PPFIA2: variants seen among roughly 807,000 people sequenced by gnomAD.
PPFIA2 encodes the protein PPFI scaffold protein A2.
In PPFIA2, 46 loss-of-function variants were observed where a neutral mutation model predicts 175.5. That is an observed-to-expected ratio of 0.26 (90% CI 0.21 to 0.34). PPFIA2 has a LOEUF of 0.34. Among genes scored for constraint, PPFIA2 ranks in the 10% least tolerant of loss-of-function variants. PPFIA2 has a pLI of 1.00. For synonymous variants in PPFIA2, 568 were observed against 511.4 expected, an observed-to-expected ratio of 1.11 and a Z score of -1.49; for missense variants, 1,179 against 1,506.1, an observed-to-expected ratio of 0.78 and a Z score of 3.60.
intron 24 of PPFIA2, among the ~76,000 whole-genome samples, chr12:81,285,811 G>A (rs915874875): frequency 6.6e-6 from 1 of 152,076 alleles, no homozygotes; most frequent in Non-Finnish European, 1.5e-5. Flanking sequence ...ACCACACCAT[G>A]ATTTTTAAAT....
intron 28 of PPFIA2, chr12:81,270,622 G>A (rs1446816375): frequency 6.6e-6 from 1 of 152,202 alleles, no homozygotes; most frequent in Non-Finnish European, 1.5e-5. Context: ...CCAGAAGTCA[G>A]GGGGCGAAGC....
chr12:81,637,182 G>C (rs934218257), intron 4 of PPFIA2, among the ~76,000 whole-genome samples: 1 of 143,986 alleles, frequency 6.9e-6, no homozygotes, highest in Admixed American at 7.1e-5. Context: ...CGATTCTCCT[G>C]CCTCAGCCTC....
At chr12:81,389,963 C>T (rs1277834999) in intron 8 of PPFIA2, among the ~76,000 whole-genome samples, 1 of 152,066 alleles carries the variant, frequency 6.6e-6, no homozygotes, top group Non-Finnish European at 1.5e-5. Context: ...CCCCCAGCCC[C>T]AGACAACCAC....
Position 81,268,010 on chromosome 12 carries a change from G to A in PPFIA2, c.3388C>T (p.Leu1130Phe). 2 of 1,596,966 alleles carry A rather than the reference G, an allele frequency of 1.3e-6. No individual in the cohort carries two copies. The highest frequency in any genetic ancestry group is 1.7e-6 in the Non-Finnish European group (2 of 1,170,820). Residue 1130 changes from leucine to phenylalanine, a missense_variant, in exon 29 of 33, where the codon CTT (leucine) becomes TTT (phenylalanine). By Grantham distance (22) the Leu-to-Phe change is conservative. Around this residue, in one of 10 missense-constraint regions of PPFIA2, gnomAD observed 245 missense variants for 375.1 expected, o/e 0.65. Transcript: ENST00000549396. ...AGTGAGCCATGCACACCGCTCTCAA[G>A]TATATTATTTGCATATTCTCGAAGT... ...IGLREYANNI[L>F]ESGVHGSLIA...
intron 4 of PPFIA2, among the ~76,000 whole-genome samples, chr12:81,491,399 G>T (rs2059404918): frequency 6.6e-6 from 1 of 151,816 alleles, no homozygotes; most frequent in African/African-American, 2.4e-5. Flanking sequence ...CCCACCATTT[G>T]ATAAATCCCT....
chr12:81,394,076 G>GT (rs2040633496), intron 8 of PPFIA2, among the ~76,000 whole-genome samples: 1 of 151,970 alleles, frequency 6.6e-6, no homozygotes, highest in African/African-American at 2.4e-5. Flanking sequence ...TGCAATAGCA[G>GT]TTTTTTAAAA....
chr12:81,518,354 A>T (rs1282722433), intron 4 of PPFIA2, among the ~76,000 whole-genome samples: 1 of 151,526 alleles, frequency 6.6e-6, no homozygotes, highest in Admixed American at 6.6e-5. Context: ...AACCTTAAAC[A>T]TCTCATTCTC....
At chr12:81,423,169 A>G (rs1380993345) in intron 7 of PPFIA2, among the ~76,000 whole-genome samples, 3 of 152,186 alleles carry the variant, frequency 2.0e-5, no homozygotes, top group Non-Finnish European at 4.4e-5. Flanking sequence ...ATGCCTTCAC[A>G]GATGAATTCT....
intron 4 of PPFIA2, among the ~76,000 whole-genome samples, chr12:81,502,446 C>T (rs1232437251): frequency 1.3e-5 from 2 of 152,196 alleles, no homozygotes; most frequent in Non-Finnish European, 2.9e-5. Context: ...ACTTCTCCCA[C>T]TTCCAAAGAT....
At chr12:81,290,628 T>C (rs1431881895) in intron 24 of PPFIA2, among the ~76,000 whole-genome samples, 2 of 151,700 alleles carry the variant, frequency 1.3e-5, no homozygotes, top group East Asian at 3.9e-4. Context: ...AAAATTAATA[T>C]AAATACCAGA....
At chr12:81,635,284 T>G (rs2063855520) in intron 4 of PPFIA2, among the ~76,000 whole-genome samples, 1 of 152,210 alleles carries the variant, frequency 6.6e-6, no homozygotes, top group South Asian at 2.1e-4. Context: ...TTTGTTGCTT[T>G]GACTTCAAAA....
At chr12:81,586,301 G>T (rs1379212055) in intron 4 of PPFIA2, among the ~76,000 whole-genome samples, 2 of 151,866 alleles carry the variant, frequency 1.3e-5, no homozygotes, top group East Asian at 3.9e-4. Context: ...ATTTAAAGTT[G>T]CTGAGGTTTG....
intron 4 of PPFIA2, among the ~76,000 whole-genome samples, chr12:81,642,580 G>C (rs2065117761): frequency 7.4e-6 from 1 of 134,708 alleles, no homozygotes; most frequent in Non-Finnish European, 1.6e-5. Flanking sequence ...TATTATAAAA[G>C]TATAATAATA....
chr12:81,269,429 C>T (rs142294381), intron 28 of PPFIA2, among the ~76,000 whole-genome samples: 2 of 152,258 alleles, frequency 1.3e-5, no homozygotes, highest in African/African-American at 2.4e-5. Context: ...TATTCTTCAA[C>T]TTTAACTGTT....
intron 4 of PPFIA2, among the ~76,000 whole-genome samples, chr12:81,674,672 A>T (rs1015373966): frequency 4.6e-5 from 7 of 151,970 alleles, no homozygotes; most frequent in East Asian, 1.9e-4. Flanking sequence ...GTCTCAAAAA[A>T]ATTTTTTTTT....
rs139503492 is a variant in PPFIA2, at chr12:81,641,128, T to C, written c.303+35663A>G. Reference sequence around the variant, plus strand: ...GTTGGGAACATTTCAAATCTTCTCTTCCAGCTATTTTGAAATATATAACAG... The same window carrying C: ...GTTGGGAACATTTCAAATCTTCTCTCCCAGCTATTTTGAAATATATAACAG... On this transcript the variant is annotated intron_variant, in intron 4 of 32. Transcript: ENST00000549396. 1.2e-4 allele frequency among the ~76,000 whole-genome samples: 18 copies of C among 152,292 alleles called. 1 individual carries two copies. The highest frequency in any genetic ancestry group is 4.3e-4 in the African/African-American group (18 of 41,570).
At chr12:81,683,597 C>G (rs1275567004) in intron 3 of PPFIA2, among the ~76,000 whole-genome samples, 3 of 151,980 alleles carry the variant, frequency 2.0e-5, no homozygotes, top group Non-Finnish European at 2.9e-5. Context: ...TTTTGCCGTT[C>G]TCCCTCTGTC....
intron 4 of PPFIA2, among the ~76,000 whole-genome samples, chr12:81,485,642 T>A (rs1042132629): frequency 1.5e-4 from 23 of 151,872 alleles, no homozygotes; most frequent in Admixed American, 1.2e-3. Context: ...CACATGAAAA[T>A]TTGTTTTAAT....
chr12:81,699,277 T>C (rs2076233718), intron 3 of PPFIA2, among the ~76,000 whole-genome samples: 1 of 152,038 alleles, frequency 6.6e-6, no homozygotes, highest in African/African-American at 2.4e-5. Flanking sequence ...TTTGATAGTG[T>C]TGAGTAAAGA....
Sources: gnomAD v4.1 joint callset for allele counts (sites outside exome capture counted in the v4.1 genomes callset) on GRCh38, gnomAD v4.1.1 for gene constraint, gnomAD v4.1.1 regional missense constraint, MANE v1.5 for transcripts, NCBI Gene and HGNC (gene_info 2026-07-23, HGNC 2026-07-21) for gene names.